CHD1L: variants seen among roughly 807,000 people sequenced by gnomAD.
The protein encoded by CHD1L is chromodomain helicase DNA binding protein 1 like.
Under a neutral mutation model 115.9 loss-of-function variants are expected in CHD1L, and 118 were observed. The observed-to-expected ratio is 1.02, with a 90% confidence interval of 0.88 to 1.19. CHD1L has a LOEUF of 1.19. Among genes scored for constraint, CHD1L ranks in the 50% most tolerant of loss-of-function variants. The pLI is 0.00. For synonymous variants in CHD1L, 411 were observed against 387.1 expected (o/e 1.06, Z -0.72); for missense variants, 1,179 against 1,065.3 (o/e 1.11, Z -1.49).
intron 21 of CHD1L, 31 bp downstream of exon 21, chr1:147,293,753 A>G: frequency 6.4e-7 from 1 of 1,567,636 alleles, no homozygotes; most frequent in East Asian, 2.2e-5. Flanking sequence ...TCAAGAGTAG[A>G]TGAATTTGTT....
intron 14 of CHD1L, among the ~76,000 whole-genome samples, chr1:147,279,182 A>G (rs1679820544): frequency 6.6e-6 from 1 of 152,188 alleles, no homozygotes; most frequent in Non-Finnish European, 1.5e-5. Context: ...ATACCTTAAC[A>G]TTTCCAAGTT....
intron 15 of CHD1L, among the ~76,000 whole-genome samples, chr1:147,282,614 T>TC (rs1553962682): frequency 6.6e-6 from 1 of 152,216 alleles, no homozygotes; most frequent in Non-Finnish European, 1.5e-5. Context: ...CCTTTAACTG[T>TC]CACTTTGTGG....
the CHD1L span, chr1:147,187,295 A>G: frequency 1.9e-5 from 26 of 1,398,634 alleles, no homozygotes; most frequent in Non-Finnish European, 2.4e-5. Context: ...TCAATCAGTC[A>G]GTCAATCAAT....
chr1:147,178,115 T>C, the CHD1L span: 11 of 1,581,986 alleles, frequency 7.0e-6, no homozygotes, highest in South Asian at 1.1e-5. Flanking sequence ...CTCGCCGCCA[T>C]GTGCCTCCGC....
At chr1:147,181,188 CA>C in the CHD1L span, among the ~76,000 whole-genome samples, 1 of 152,220 alleles carries the variant, frequency 6.6e-6, no homozygotes, top group African/African-American at 2.4e-5. Context: ...AGCACAACTC[CA>C]TGCTTGTGAC....
the CHD1L span, chr1:147,204,289 G>A: frequency 1.0e-6 from 1 of 977,848 alleles, no homozygotes; most frequent in Non-Finnish European, 1.7e-6. Flanking sequence ...CAATACTGAA[G>A]AGGAAGTGAT....
the CHD1L span, chr1:147,175,918 G>A: frequency 1.5e-5 from 2 of 130,124 alleles, no homozygotes; most frequent in African/African-American, 5.7e-5. Context: ...AGACTATACG[G>A]TCAGAAAACA....
chr1:147,213,579 C>A, the CHD1L span: 2 of 895,960 alleles, frequency 2.2e-6, no homozygotes, highest in African/African-American at 1.7e-5. Flanking sequence ...AGGACCCATG[C>A]AGGGATATTT....
intron 7 of CHD1L, among the ~76,000 whole-genome samples, chr1:147,264,969 A>G (rs1673315928): frequency 6.6e-6 from 1 of 152,224 alleles, no homozygotes; most frequent in Non-Finnish European, 1.5e-5. Context: ...TCAGCATACT[A>G]CAGCACTGGT....
At chr1:147,289,048 GAT>G (rs1282588918) in intron 19 of CHD1L, among the ~76,000 whole-genome samples, 19 of 152,270 alleles carry the variant, frequency 1.2e-4, no homozygotes, top group African/African-American at 4.6e-4. Flanking sequence ...GGTGGAAAGG[GAT>G]ATAAGAACTT....
chr1:147,276,018 T>G, intron 13 of CHD1L, 86 bp from the exon 14 acceptor site: 1 of 1,355,776 alleles, frequency 7.4e-7, no homozygotes, highest in Non-Finnish European at 1.0e-6. Context: ...TTGGTTTTGT[T>G]TGCTTTTAGA....
intron 1 of CHD1L, among the ~76,000 whole-genome samples, chr1:147,244,242 T>C (rs1665877359): frequency 1.3e-5 from 2 of 152,172 alleles, no homozygotes; most frequent in South Asian, 4.1e-4. Context: ...GGCAAGTGTT[T>C]TAGTGAAAAT....
In CHD1L at chr1:147,253,977, T is replaced by G. The variant is rs961635657; in HGVS notation, c.241-893T>G. ...GAGAAATGGTGATTCCTCCCCTTTT[T>G]GTGCTGTTTAATCTTGATAGGAACA... On this transcript the variant is annotated intron_variant, in intron 2 of 22. Transcript: ENST00000369258. 1.4e-4 allele frequency among the ~76,000 whole-genome samples: 21 copies of G among 152,374 alleles called. No individual in the cohort carries two copies. In the East Asian group the frequency reaches 3.9e-3, roughly 28 times the overall value.
the CHD1L span, chr1:147,178,328 C>T: frequency 6.2e-7 from 1 of 1,612,412 alleles, no homozygotes; most frequent in African/African-American, 1.3e-5. Flanking sequence ...GCTGCAGCTA[C>T]CAGATTAAAA....
chr1:147,238,444 A>G (rs1275887885), upstream of CHD1L, among the ~76,000 whole-genome samples: 1 of 152,240 alleles, frequency 6.6e-6, no homozygotes, highest in Non-Finnish European at 1.5e-5. Context: ...ATGTCTGCAC[A>G]TGCTAAGTCC....
the CHD1L span, among the ~76,000 whole-genome samples, chr1:147,219,655 G>A: frequency 2.6e-5 from 4 of 151,490 alleles, no homozygotes; most frequent in African/African-American, 9.7e-5. Flanking sequence ...AGAAAGAAAA[G>A]TAAAGGATAT....
Position 147,242,751 on chromosome 1 carries a change from C to T in CHD1L, c.48C>T (p.Phe16=). Residue 16 remains phenylalanine, a synonymous_variant, in exon 1 of 23, where the codon TTC becomes TTT. Transcript: ENST00000369258. ...ATSRGGQAPG[F]LLRLHTEGRA... ...GCCGCGGGGGCCAAGCCCCTGGCTT[C>T]TTACTGCGGCTTCATACTGAGGGCC... 7.9e-7 allele frequency: 1 copy of T among 1,265,266 alleles called. No individual in the cohort carries two copies. The highest frequency in any genetic ancestry group is 1.0e-6 in the Non-Finnish European group (1 of 998,362). 78.4% of individuals were successfully genotyped at this position (1,265,266 alleles called of 1,614,324 possible).
At chr1:147,183,516 C>A in the CHD1L span, among the ~76,000 whole-genome samples, 1 of 152,242 alleles carries the variant, frequency 6.6e-6, no homozygotes, top group South Asian at 2.1e-4. Flanking sequence ...AAGGAGGAAA[C>A]AGGTGAGAGA....
At chr1:147,247,496 C>T (rs1364399385) in intron 1 of CHD1L, among the ~76,000 whole-genome samples, 6 of 152,156 alleles carry the variant, frequency 3.9e-5, no homozygotes, top group African/African-American at 1.2e-4. Context: ...TACATGCCAC[C>T]CCCACTTCCC....
Sources: gnomAD v4.1 joint callset for allele counts (sites outside exome capture counted in the v4.1 genomes callset) on GRCh38, gnomAD v4.1.1 for gene constraint, MANE v1.5 for transcripts, NCBI Gene and HGNC (gene_info 2026-07-23, HGNC 2026-07-21) for gene names.